EML4: variants seen among roughly 807,000 people sequenced by gnomAD.
EML4 encodes echinoderm microtubule-associated protein-like 4.
EML4 carries 72 observed loss-of-function variants against 129.0 expected under a neutral mutation model. The ratio of observed to expected loss-of-function variants is 0.56; its 90% CI spans 0.46 to 0.68. The LOEUF (loss-of-function observed/expected upper bound fraction) is 0.68, where lower values mean the gene tolerates loss of function less well. Among genes scored for constraint, EML4 ranks in the 30% least tolerant of loss-of-function variants. EML4 has a pLI of 0.00. For missense variants in EML4, 1,363 were observed against 1,190.6 expected (o/e 1.14, Z -2.13); for synonymous variants, 532 against 405.0 (o/e 1.31, Z -3.77).
At chr2:42,221,244 G>GA (rs1362790220) in intron 1 of EML4, among the ~76,000 whole-genome samples, 1 of 152,032 alleles carries the variant, frequency 6.6e-6, no homozygotes, top group Non-Finnish European at 1.5e-5. Context: ...GCTGACTGTT[G>GA]AGGGGGTATT....
At chr2:42,325,634 A>ATATATATATATATG in intron 20 of EML4, 80 bp downstream of exon 20, 1 of 161,180 alleles carries the variant, frequency 6.2e-6, no homozygotes, top group Non-Finnish European at 1.1e-5. Flanking sequence ...ATATATATAT[A>ATATATATATATATG]TATATGCTAA....
At chr2:42,207,108 T>C (rs1340537853) in intron 1 of EML4, among the ~76,000 whole-genome samples, 1 of 152,192 alleles carries the variant, frequency 6.6e-6, no homozygotes, top group Non-Finnish European at 1.5e-5. Flanking sequence ...TCTGTAGAAA[T>C]ATGTCAGCGT....
intron 17 of EML4, among the ~76,000 whole-genome samples, chr2:42,308,694 T>C (rs956117010): frequency 2.6e-5 from 4 of 152,144 alleles, no homozygotes; most frequent in Admixed American, 1.3e-4. Flanking sequence ...CAGAACAATT[T>C]TTAACCCAGA....
At chr2:42,305,552 AT>A (rs1668551423) in intron 17 of EML4, among the ~76,000 whole-genome samples, 1 of 152,246 alleles carries the variant, frequency 6.6e-6, no homozygotes, top group South Asian at 2.1e-4. Context: ...ACGCAGATAT[AT>A]AATAAAGATA....
intron 1 of EML4, among the ~76,000 whole-genome samples, chr2:42,227,326 G>A (rs1237010772): frequency 3.3e-5 from 5 of 151,862 alleles, no homozygotes; most frequent in Non-Finnish European, 7.4e-5. Flanking sequence ...TCACTATGTT[G>A]CTCATGCTGG....
At chr2:42,258,698 C>T (rs1423889077) in intron 3 of EML4, among the ~76,000 whole-genome samples, 2 of 151,666 alleles carry the variant, frequency 1.3e-5, no homozygotes. Flanking sequence ...CTGTGACTGG[C>T]CAAAATTGTA....
At chr2:42,324,177 C>T (rs945640581) in intron 19 of EML4, among the ~76,000 whole-genome samples, 2 of 152,100 alleles carry the variant, frequency 1.3e-5, no homozygotes, top group African/African-American at 4.8e-5. Flanking sequence ...CACCTGTATT[C>T]CCAGCTACTC....
At chr2:42,264,301 A>G (rs537624083) in intron 5 of EML4, among the ~76,000 whole-genome samples, 1 of 151,674 alleles carries the variant, frequency 6.6e-6, no homozygotes, top group East Asian at 2.0e-4. Flanking sequence ...ATTTTTTTGT[A>G]AAGACAGGGT....
intron 2 of EML4, among the ~76,000 whole-genome samples, chr2:42,249,614 C>T (rs1351825793): frequency 6.6e-6 from 1 of 152,166 alleles, no homozygotes; most frequent in Non-Finnish European, 1.5e-5. Flanking sequence ...TAATGAAATT[C>T]TGCTACGTTG....
At chr2:42,259,177 A>T (rs1029042162) in intron 3 of EML4, among the ~76,000 whole-genome samples, 9 of 149,022 alleles carry the variant, frequency 6.0e-5, no homozygotes, top group Admixed American at 3.4e-4. Context: ...AACCTTGGAG[A>T]TGGAGGTTGC....
intron 1 of EML4, among the ~76,000 whole-genome samples, chr2:42,225,337 A>T (rs190776620): frequency 2.0e-5 from 3 of 152,252 alleles, no homozygotes; most frequent in African/African-American, 4.8e-5. Context: ...ACTGTTTTCT[A>T]TGGTGGCTAA....
At chr2:42,234,633 A>C (rs1043464226) in intron 1 of EML4, among the ~76,000 whole-genome samples, 29 of 152,318 alleles carry the variant, frequency 1.9e-4, no homozygotes, top group Non-Finnish European at 3.4e-4. Flanking sequence ...CACTTGTATA[A>C]AGTACTTAAA....
chr2:42,289,582 A>G (rs1572697435), intron 11 of EML4: 1 of 152,070 alleles, frequency 6.6e-6, no homozygotes, highest in African/African-American at 2.4e-5. Context: ...CTAGCCCCCA[A>G]CCACCAGTTT....
intron 1 of EML4, among the ~76,000 whole-genome samples, chr2:42,192,133 A>AG (rs1367081661): frequency 6.6e-6 from 1 of 151,462 alleles, no homozygotes; most frequent in African/African-American, 2.4e-5. Flanking sequence ...AAAAAAAAAA[A>AG]AAATCCCTAG....
chr2:42,206,178 A>G (rs997031106), intron 1 of EML4, among the ~76,000 whole-genome samples: 1 of 152,194 alleles, frequency 6.6e-6, no homozygotes, highest in African/African-American at 2.4e-5. Flanking sequence ...CCTCTGGTCC[A>G]ATCCAGAATC....
At chr2:42,191,729 C>G (rs886471125) in intron 1 of EML4, among the ~76,000 whole-genome samples, 9 of 152,234 alleles carry the variant, frequency 5.9e-5, no homozygotes, top group Non-Finnish European at 1.0e-4. Flanking sequence ...GCCGTTGCCA[C>G]TTTATGTTTT....
At chr2:42,205,270 C>G (rs1672475858) in intron 1 of EML4, among the ~76,000 whole-genome samples, 1 of 152,146 alleles carries the variant, frequency 6.6e-6, no homozygotes, top group African/African-American at 2.4e-5. Context: ...CAGATGTGAT[C>G]ACTGATACAA....
intron 1 of EML4, among the ~76,000 whole-genome samples, chr2:42,213,487 A>C (rs1488976780): frequency 6.6e-6 from 1 of 152,246 alleles, no homozygotes. Context: ...AGAAAAAATA[A>C]AATAAAATGA....
chr2:42,263,398 C>CTTT (rs67401314), intron 5 of EML4, 92 bp downstream of exon 5: 677 of 240,690 alleles, frequency 2.8e-3, no homozygotes, highest in Admixed American at 5.8e-3. Flanking sequence ...TGGTTTGAAT[C>CTTT]TTTTTTTTTT....
Sources: allele counts gnomAD v4.1 joint callset (sites outside exome capture counted in the v4.1 genomes callset), GRCh38; gene constraint gnomAD v4.1.1; transcripts MANE v1.5; gene names NCBI Gene and HGNC (gene_info 2026-07-23, HGNC 2026-07-21).